Variants in SFMBT2 observed in about 807,000 individuals in gnomAD.
SFMBT2 encodes scm-like with four MBT domains protein 2.
SFMBT2 carries 38 observed loss-of-function variants against 110.1 expected under a neutral mutation model. The observed-to-expected ratio is 0.35, with a 90% CI of 0.27 to 0.45. SFMBT2 has a LOEUF of 0.45. SFMBT2 is among the 20% of genes least tolerant of loss of function. The pLI is 1.00. For missense variants in SFMBT2, 1,011 were observed against 1,094.9 expected, an observed-to-expected ratio of 0.92 and a Z score of 1.08; for synonymous variants, 425 against 425.4, an observed-to-expected ratio of 1.00 and a Z score of 0.01.
intron 1 of SFMBT2, among the ~76,000 whole-genome samples, chr10:7,387,664 C>T (rs1368824522): frequency 2.0e-5 from 3 of 151,854 alleles, no homozygotes; most frequent in East Asian, 3.9e-4. Context: ...GGCATGGTGG[C>T]TCACGTCTGT....
At chr10:7,328,292 C>A (rs551144256) in intron 4 of SFMBT2, among the ~76,000 whole-genome samples, 123 of 152,194 alleles carry the variant, frequency 8.1e-4, no homozygotes, top group African/African-American at 2.6e-3. Context: ...CTTTTTAAGT[C>A]TTTTCTCCAT....
chr10:7,265,200 C>T (rs562919775), intron 7 of SFMBT2, among the ~76,000 whole-genome samples: 12 of 146,064 alleles, frequency 8.2e-5, no homozygotes, highest in Non-Finnish European at 1.7e-4. Flanking sequence ...TCTCTTCCTC[C>T]CTCCCTTCCT....
At chr10:7,192,957 G>A (rs545270046) in intron 15 of SFMBT2, among the ~76,000 whole-genome samples, 2 of 151,802 alleles carry the variant, frequency 1.3e-5, no homozygotes, top group Admixed American at 6.5e-5. Context: ...GGGGTGGAGA[G>A]TTACACTGGA....
At chr10:7,280,378 A>C (rs1021191800) in intron 6 of SFMBT2, among the ~76,000 whole-genome samples, 72 of 151,310 alleles carry the variant, frequency 4.8e-4, no homozygotes, top group African/African-American at 1.7e-3. Flanking sequence ...TAAAACAAGC[A>C]CTAAAAAAAT....
intron 2 of SFMBT2, among the ~76,000 whole-genome samples, chr10:7,376,808 C>T (rs1845230865): frequency 7.9e-6 from 1 of 126,428 alleles, no homozygotes; most frequent in African/African-American, 3.0e-5. Context: ...TTGGGGGCAT[C>T]ACTGCAAGGA....
intron 1 of SFMBT2, among the ~76,000 whole-genome samples, chr10:7,389,005 G>A (rs1845697585): frequency 6.6e-6 from 1 of 152,212 alleles, no homozygotes; most frequent in Non-Finnish European, 1.5e-5. Context: ...ACAGGTCCAA[G>A]AAGTATTTGA....
chr10:7,269,204 T>G (rs890923148), intron 7 of SFMBT2, among the ~76,000 whole-genome samples: 1 of 152,240 alleles, frequency 6.6e-6, no homozygotes, highest in East Asian at 1.9e-4. Context: ...GAATTCCCAG[T>G]AAAGTATGGC....
At chr10:7,336,312 A>G (rs1843716367) in intron 4 of SFMBT2, among the ~76,000 whole-genome samples, 1 of 152,242 alleles carries the variant, frequency 6.6e-6, no homozygotes, top group Non-Finnish European at 1.5e-5. Flanking sequence ...AAAAGCCCAC[A>G]GCTGACCGCA....
chr10:7,212,683 T>C (rs1372425875), intron 11 of SFMBT2, among the ~76,000 whole-genome samples: 2 of 152,192 alleles, frequency 1.3e-5, no homozygotes, highest in African/African-American at 2.4e-5. Flanking sequence ...AGCTGTTTTA[T>C]ACAGCTGTAC....
At chr10:7,318,007 T>C (rs1454823205) in intron 4 of SFMBT2, among the ~76,000 whole-genome samples, 2 of 152,184 alleles carry the variant, frequency 1.3e-5, no homozygotes, top group Non-Finnish European at 2.9e-5. Flanking sequence ...CACAAAGATA[T>C]GCACCATCTT....
In SFMBT2 at chr10:7,370,280, C is replaced by G. The variant is rs1373335289; in HGVS notation, c.195+1G>C. 9 of 1,612,816 alleles carry G rather than the reference C, an allele frequency of 5.6e-6. No homozygotes were observed. The highest frequency in any genetic ancestry group is 7.6e-6 in the Non-Finnish European group (9 of 1,178,928). On this transcript the variant is annotated splice_donor_variant, in intron 3 of 20. Coordinates refer to ENST00000397167, the MANE Select transcript of SFMBT2 (RefSeq NM_001387889.1). LOFTEE classifies it high-confidence loss of function. ...GAGAAGACACAAGCTGCTTTACATA[C>G]GTGTTTGAATGATGTGTGGGGAGCA...
intron 11 of SFMBT2, chr10:7,206,677 T>G: frequency 1.2e-6 from 1 of 823,232 alleles, no homozygotes. Flanking sequence ...AGGACCTGGC[T>G]TCACAGCCAT....
At chr10:7,350,815 T>C (rs1258367199) in intron 4 of SFMBT2, among the ~76,000 whole-genome samples, 1 of 152,238 alleles carries the variant, frequency 6.6e-6, no homozygotes, top group East Asian at 1.9e-4. Context: ...GCCACCTACT[T>C]GGTAGACACC....
chr10:7,395,856 T>A (rs1344299880), intron 1 of SFMBT2, among the ~76,000 whole-genome samples: 1 of 152,216 alleles, frequency 6.6e-6, no homozygotes, highest in African/African-American at 2.4e-5. Context: ...TCTCTGTTAG[T>A]TCTGGTGTCT....
rs986430137 is a variant in SFMBT2 at position 7,170,417 on chromosome 10, C to T, written c.2544+511G>A. ...GCTGAACATCACAGGGAGGGCTGGA[C>T]GGACCCCACTGAGAGCAGCCAAGGC... On this transcript the variant is annotated intron_variant, in intron 20 of 20. Coordinates refer to ENST00000397167, the MANE Select transcript of SFMBT2 (RefSeq NM_001387889.1). This position sits in a 1 kb window ranked among gnomAD's most constrained non-coding sequence, Gnocchi z 4.6. Among the ~76,000 whole-genome samples, 25 of 152,276 alleles carry T rather than the reference C, an allele frequency of 1.6e-4. No individual in the cohort carries two copies. The highest frequency in any genetic ancestry group is 1.0e-3 in the Admixed American group (16 of 15,302).
chr10:7,381,884 C>T lies in SFMBT2; in HGVS notation c.15G>A (p.Leu5=), dbSNP rs566901683. 3 of 1,609,540 alleles carry T rather than the reference C, an allele frequency of 1.9e-6. No individual in the cohort carries two copies. Among genetic ancestry groups the T allele is most frequent in the African/African-American group, 2.7e-5 (2 of 74,554 alleles). The change falls in exon 2 of 21, where the codon TTG becomes TTA. Residue 5 remains leucine (L), a synonymous_variant. Coordinates refer to ENST00000397167, the MANE Select transcript of SFMBT2 (RefSeq NM_001387889.1). ...AAGGGTCTTGCATATTGGAAGCTGA[C>T]AAAGTGCTCTCCATGCCTGATGAGC... is the stretch of plus-strand genomic sequence containing the variant. MEST[L]SASNMQDPSS...
chr10:7,228,754 C>T (rs1206471679), intron 9 of SFMBT2, among the ~76,000 whole-genome samples: 64 of 96,776 alleles, frequency 6.6e-4, no homozygotes, highest in South Asian at 1.3e-3. Context: ...CTCTCTCTCT[C>T]TCTCTCTCTC....
intron 4 of SFMBT2, among the ~76,000 whole-genome samples, chr10:7,338,258 A>C (rs2131977446): frequency 6.6e-6 from 1 of 152,362 alleles, no homozygotes. Context: ...TCAAAAAATA[A>C]GTAAAATGTG....
Position 7,186,425 on chromosome 10 carries a change from T to TACACAC in SFMBT2, c.1808+2193_1808+2198dup, listed in dbSNP as rs780362808. Among the ~76,000 whole-genome samples, 7 of 109,392 alleles carry TACACAC rather than the reference T, an allele frequency of 6.4e-5. No homozygotes were observed. In the South Asian group the frequency reaches 1.8e-3, roughly 28 times the overall value. The allele number at this position is 109,392 out of a possible 152,430, so 71.8% of individuals were successfully genotyped here. On this transcript the variant is annotated intron_variant, in intron 16 of 20. Transcript: ENST00000397167. ...TATACACATACATACATACTATATA[T>TACACAC]ACACACACACACACACACACACACA...
Sources: gnomAD v4.1 joint callset for allele counts (sites outside exome capture counted in the v4.1 genomes callset) on GRCh38, gnomAD v4.1.1 for gene constraint, Gnocchi (gnomAD v3.1) non-coding constraint, MANE v1.5 for transcripts, NCBI Gene and HGNC (gene_info 2026-07-23, HGNC 2026-07-21) for gene names.